The following CHCHD3 variants were observed in gnomAD, a reference collection of about 807,000 sequenced individuals.
The protein encoded by CHCHD3 is MICOS complex subunit MIC19.
Under a neutral mutation model 38.2 loss-of-function variants are expected in CHCHD3, and 20 were observed. The observed-to-expected ratio is 0.52, with a 90% CI of 0.37 to 0.76. The LOEUF (loss-of-function observed/expected upper bound fraction) is 0.76, where lower values mean the gene tolerates loss of function less well. Among genes scored for constraint, CHCHD3 ranks in the 30% least tolerant of loss-of-function variants. The pLI, the probability that CHCHD3 is intolerant of heterozygous loss-of-function variation, is 0.00. For synonymous variants in CHCHD3, 82 were observed against 100.0 expected, an observed-to-expected ratio of 0.82 and a Z score of 1.07; for missense variants, 245 against 279.2, an observed-to-expected ratio of 0.88 and a Z score of 0.87.
intron 4 of CHCHD3, among the ~76,000 whole-genome samples, chr7:132,936,236 A>G (rs1810629993): frequency 6.6e-6 from 1 of 152,204 alleles, no homozygotes; most frequent in Non-Finnish European, 1.5e-5. Context: ...ATGCAGGTCT[A>G]ACATGCTTAT....
intron 4 of CHCHD3, among the ~76,000 whole-genome samples, chr7:132,953,785 T>C (rs965568299): frequency 1.3e-5 from 2 of 152,174 alleles, no homozygotes; most frequent in African/African-American, 4.8e-5. Flanking sequence ...AGACTGTATT[T>C]TACTCAAACA....
intron 4 of CHCHD3, chr7:132,973,105 T>C (rs1359058674): frequency 2.0e-6 from 2 of 985,308 alleles, no homozygotes; most frequent in Non-Finnish European, 1.2e-6. Context: ...TTTTGAGTTT[T>C]TGAATCTTGC....
chr7:133,066,717 C>G (rs543962831), intron 2 of CHCHD3, among the ~76,000 whole-genome samples: 1 of 152,242 alleles, frequency 6.6e-6, no homozygotes, highest in South Asian at 2.1e-4. Context: ...CCAGACACAC[C>G]ACAGGCACTC....
chr7:132,944,740 C>T (rs994258021), intron 4 of CHCHD3, among the ~76,000 whole-genome samples: 2 of 151,966 alleles, frequency 1.3e-5, no homozygotes, highest in African/African-American at 2.4e-5. Flanking sequence ...AGTATTAACA[C>T]TAGTCATCAG....
chr7:132,996,714 G>A (rs1447050637), intron 3 of CHCHD3, among the ~76,000 whole-genome samples: 1 of 152,184 alleles, frequency 6.6e-6, no homozygotes. Flanking sequence ...TAATGTGGAA[G>A]AGATAAGCAA....
At chr7:132,876,497 C>T (rs1383718309) in intron 5 of CHCHD3, among the ~76,000 whole-genome samples, 1 of 152,092 alleles carries the variant, frequency 6.6e-6, no homozygotes, top group Non-Finnish European at 1.5e-5. Flanking sequence ...TTTTTAAAAC[C>T]ATCAGGGTAA....
In CHCHD3 at chr7:132,786,510, C is replaced by A. The variant is rs1418970740; in HGVS notation, c.661-850G>T. 2.0e-5 allele frequency among the ~76,000 whole-genome samples: 3 copies of A among 152,152 alleles called. No homozygotes were observed. The South Asian group carries it at 6.2e-4, about 32-fold the overall frequency. ...AATTCTTAACTATCAGATGAGAACT[C>A]TATAACCAGCTGAAATGGGGGTATA... On this transcript the variant is annotated intron_variant, in intron 7 of 7. Transcript: ENST00000262570.
At chr7:132,822,289 A>C (rs1807398595) in intron 6 of CHCHD3, among the ~76,000 whole-genome samples, 1 of 152,220 alleles carries the variant, frequency 6.6e-6, no homozygotes, top group Admixed American at 6.5e-5. Context: ...AAGTTCTGCC[A>C]CTAATGTTTT....
chr7:132,800,032 T>C (rs1806748174), intron 6 of CHCHD3, among the ~76,000 whole-genome samples: 1 of 152,162 alleles, frequency 6.6e-6, no homozygotes, highest in South Asian at 2.1e-4. Flanking sequence ...AGATATTCTG[T>C]AGCCTGTCAC....
intron 1 of CHCHD3, among the ~76,000 whole-genome samples, chr7:133,077,067 A>T (rs1815011791): frequency 6.6e-6 from 1 of 152,158 alleles, no homozygotes; most frequent in South Asian, 2.1e-4. Flanking sequence ...GTTAGTTAAG[A>T]GAAAGGGGGA....
chr7:132,832,777 T>C (rs1276469625), intron 6 of CHCHD3, among the ~76,000 whole-genome samples: 1 of 152,190 alleles, frequency 6.6e-6, no homozygotes, highest in Non-Finnish European at 1.5e-5. Context: ...AGCTCCAATG[T>C]AGCCACAGAG....
chr7:133,012,887 C>G (rs905288110), intron 3 of CHCHD3, among the ~76,000 whole-genome samples: 8 of 150,110 alleles, frequency 5.3e-5, no homozygotes, highest in Admixed American at 2.0e-4. Flanking sequence ...CTTCAATAAC[C>G]GACATCAAAA....
chr7:132,893,480 G>A (rs181461123), intron 4 of CHCHD3, among the ~76,000 whole-genome samples: 1 of 152,300 alleles, frequency 6.6e-6, no homozygotes, highest in African/African-American at 2.4e-5. Context: ...GGACTTTTGG[G>A]TTAATGCTTG....
intron 2 of CHCHD3, among the ~76,000 whole-genome samples, chr7:133,068,266 G>A (rs778888329): frequency 2.0e-5 from 3 of 152,060 alleles, no homozygotes; most frequent in Non-Finnish European, 4.4e-5. Flanking sequence ...TTCAACAAAC[G>A]ATAATAAGCA....
intron 5 of CHCHD3, among the ~76,000 whole-genome samples, chr7:132,880,799 A>G (rs1192485449): frequency 1.3e-5 from 2 of 152,092 alleles, no homozygotes; most frequent in Non-Finnish European, 2.9e-5. Flanking sequence ...TTATACAACA[A>G]ACAAAAATAA....
At chr7:133,057,586 G>A (rs1814380500) in intron 2 of CHCHD3, among the ~76,000 whole-genome samples, 1 of 151,832 alleles carries the variant, frequency 6.6e-6, no homozygotes, top group South Asian at 2.1e-4. Flanking sequence ...AAAGAAAAAA[G>A]GTTTCAGCTC....
chr7:132,966,301 T>C (rs1160198597), intron 4 of CHCHD3, among the ~76,000 whole-genome samples: 1 of 152,174 alleles, frequency 6.6e-6, no homozygotes, highest in East Asian at 1.9e-4. Context: ...AGCAAGAAAA[T>C]GTCCAATGTC....
At chr7:133,014,176 C>T (rs1812958944) in intron 3 of CHCHD3, among the ~76,000 whole-genome samples, 1 of 151,922 alleles carries the variant, frequency 6.6e-6, no homozygotes, top group Non-Finnish European at 1.5e-5. Context: ...GACAAAATGG[C>T]ACCAAGAAAC....
intron 5 of CHCHD3, among the ~76,000 whole-genome samples, chr7:132,838,861 T>C (rs1807864402): frequency 6.6e-6 from 1 of 152,154 alleles, no homozygotes; most frequent in Non-Finnish European, 1.5e-5. Context: ...CCATTGGTGT[T>C]CCTACTAGGA....
Sources: gnomAD v4.1 joint callset for allele counts (sites outside exome capture counted in the v4.1 genomes callset) on GRCh38, gnomAD v4.1.1 for gene constraint, MANE v1.5 for transcripts, NCBI Gene and HGNC (gene_info 2026-07-23, HGNC 2026-07-21) for gene names.